Variants in ICA1 observed in about 807,000 individuals in gnomAD.
ICA1 encodes the protein 69 kDa islet cell autoantigen.
Under a neutral mutation model 71.0 loss-of-function variants are expected in ICA1, and 40 were observed. The ratio of observed to expected loss-of-function variants is 0.56; its 90% confidence interval spans 0.44 to 0.73. ICA1 has a LOEUF of 0.73. Ranked by LOEUF, ICA1 falls within the 30% of genes least tolerant of loss-of-function variation. ICA1 has a pLI of 0.00. For missense variants in ICA1, 578 were observed against 576.5 expected (o/e 1.00, Z -0.03); for synonymous variants, 207 against 209.5 (o/e 0.99, Z 0.10).
In ICA1 at chr7:8,229,633, G is replaced by A. The variant is rs944866527; in HGVS notation, c.184-960C>T. On this transcript the variant is annotated intron_variant, in intron 3 of 13. Coordinates refer to ENST00000402384, the MANE Select transcript of ICA1 (RefSeq NM_001136020.3). ...TATCATAAAGCACTTCTACATTTGC[G>A]TGAACACAGATGATCTGTTTCATTA... Among the ~76,000 whole-genome samples the A allele has an allele frequency of 2.1e-4, 32 of 152,290 alleles. No individual in the cohort carries two copies. In the Middle Eastern group the frequency reaches 0.01, roughly 49 times the overall value.
At chr7:8,115,108 T>C (rs1392048548) in intron 13 of ICA1, 1 of 152,264 alleles carries the variant, frequency 6.6e-6, no homozygotes, top group African/African-American at 2.4e-5. Context: ...AGTGTACCGA[T>C]CACTTTATAC....
chr7:8,157,059 T>C, intron 8 of ICA1, 57 bp downstream of exon 8: 3 of 1,613,742 alleles, frequency 1.9e-6, no homozygotes, highest in Non-Finnish European at 2.5e-6. Context: ...TTGCTTGTGA[T>C]ATAAACAAAA....
intron 6 of ICA1, among the ~76,000 whole-genome samples, chr7:8,197,384 C>T (rs1788014516): frequency 6.6e-6 from 1 of 151,352 alleles, no homozygotes; most frequent in African/African-American, 2.4e-5. Context: ...GAAACCCCAT[C>T]TCTACTAAAA....
At chr7:8,243,308 A>G (rs1804691567) in intron 1 of ICA1, among the ~76,000 whole-genome samples, 1 of 152,250 alleles carries the variant, frequency 6.6e-6, no homozygotes, top group Non-Finnish European at 1.5e-5. Context: ...AGAATCATCG[A>G]CAAAAACCAC....
chr7:8,219,009 ATAGG>A (rs968399012), intron 5 of ICA1: 1 of 184,772 alleles, frequency 5.4e-6, no homozygotes, highest in African/African-American at 2.3e-5. Context: ...TTGAAATGGT[ATAGG>A]AAGGGGGACC....
chr7:8,152,669 C>CACTACCCCCACCACA (rs1562701213), intron 8 of ICA1, among the ~76,000 whole-genome samples: 1 of 49,716 alleles, frequency 2.0e-5, no homozygotes, highest in African/African-American at 6.9e-5. Flanking sequence ...CCACCACCAC[C>CACTACCCCCACCACA]ATTATCTCCT....
chr7:8,155,376 G>T (rs999628291), intron 8 of ICA1, among the ~76,000 whole-genome samples: 1 of 152,154 alleles, frequency 6.6e-6, no homozygotes, highest in African/African-American at 2.4e-5. Context: ...AACATAATCA[G>T]CTTGATCCTC....
chr7:8,216,528 C>T (rs80272562), intron 6 of ICA1, among the ~76,000 whole-genome samples: 126 of 148,444 alleles, frequency 8.5e-4, no homozygotes, highest in African/African-American at 3.0e-3. Context: ...AAATGACGAA[C>T]GGGCTTGGTT....
chr7:8,224,876 CAGAATT>C (rs2128438017), intron 4 of ICA1, among the ~76,000 whole-genome samples: 1 of 152,252 alleles, frequency 6.6e-6, no homozygotes, highest in South Asian at 2.1e-4. Flanking sequence ...TCTGATTTCT[CAGAATT>C]AGACTGTGGT....
At position 8,222,837 on chromosome 7, in the gene ICA1, T is replaced by C; in HGVS notation, c.257-1439A>G. Among the ~76,000 whole-genome samples the C allele has an allele frequency of 6.6e-6, 1 of 152,186 alleles. No individual in the cohort carries two copies. Among genetic ancestry groups the C allele is most frequent in the African/African-American group, 2.4e-5 (1 of 41,462 alleles). On this transcript the variant is annotated intron_variant, in intron 4 of 13. Coordinates refer to ENST00000402384, the MANE Select transcript of ICA1 (RefSeq NM_001136020.3). The surrounding 1 kb of genome is among the most constrained non-coding windows in gnomAD (Gnocchi z 4.8). The stretch of plus-strand genomic sequence containing the variant: ...AGCAGTGCTCTCTGGGCACCTGACT[T>C]AGCACTCACCTTGTGTGACTGGGCA...
chr7:8,171,250 T>C (rs562723084), intron 6 of ICA1, among the ~76,000 whole-genome samples: 31 of 152,040 alleles, frequency 2.0e-4, no homozygotes, highest in African/African-American at 7.2e-4. Context: ...TTGGCACATT[T>C]TATGAGTGAA....
At chr7:8,241,761 C>T (rs1803985813) in intron 1 of ICA1, among the ~76,000 whole-genome samples, 1 of 152,128 alleles carries the variant, frequency 6.6e-6, no homozygotes, top group South Asian at 2.1e-4. Flanking sequence ...GCAGGGGTTG[C>T]AATCCTAGTC....
intron 13 of ICA1, among the ~76,000 whole-genome samples, chr7:8,118,512 A>AT (rs1009825287): frequency 9.2e-5 from 14 of 152,052 alleles, no homozygotes; most frequent in African/African-American, 3.4e-4. Flanking sequence ...CAATAAAACG[A>AT]TTTTTTTTAA....
intron 13 of ICA1, 197 bp from the exon 14 acceptor site, chr7:8,114,241 C>G: frequency 1.7e-6 from 1 of 581,386 alleles, no homozygotes; most frequent in Non-Finnish European, 3.0e-6. Flanking sequence ...AAACCAGGGC[C>G]TGAAGCTCCG....
chr7:8,153,735 C>T (rs1800478112), intron 8 of ICA1, among the ~76,000 whole-genome samples: 1 of 151,802 alleles, frequency 6.6e-6, no homozygotes, highest in African/African-American at 2.4e-5. Flanking sequence ...AGTAATATTC[C>T]ATTCCTAGCC....
intron 6 of ICA1, among the ~76,000 whole-genome samples, chr7:8,188,057 C>A (rs932323952): frequency 7.2e-5 from 11 of 152,180 alleles, no homozygotes. Flanking sequence ...CTCACCAAGG[C>A]ACCAGGCTGT....
At chr7:8,155,586 C>T (rs971281483) in intron 8 of ICA1, among the ~76,000 whole-genome samples, 3 of 152,200 alleles carry the variant, frequency 2.0e-5, no homozygotes, top group Non-Finnish European at 4.4e-5. Context: ...CATCTTCTAA[C>T]TGGTTGGTGT....
rs956158438 is a variant in ICA1 at position 8,160,777 on chromosome 7, G to A, written c.580-2125C>T. On this transcript the variant is annotated intron_variant, in intron 6 of 13. Coordinates refer to ENST00000402384, the MANE Select transcript of ICA1 (RefSeq NM_001136020.3). Reference sequence around the variant, plus strand: ...AAACTGACCATACCATGAGCTGGACGGTTCTCCACTGCAGAGCAAAGAGCC... The same window carrying A: ...AAACTGACCATACCATGAGCTGGACAGTTCTCCACTGCAGAGCAAAGAGCC... Among the ~76,000 whole-genome samples, 4 of 152,312 alleles carry A rather than the reference G, an allele frequency of 2.6e-5. No individual in the cohort carries two copies. In the East Asian group the frequency reaches 5.8e-4, roughly 22 times the overall value.
At chr7:8,151,185 C>T (rs1383729956) in intron 8 of ICA1, among the ~76,000 whole-genome samples, 1 of 152,216 alleles carries the variant, frequency 6.6e-6, no homozygotes, top group Non-Finnish European at 1.5e-5. Flanking sequence ...GCCCAGACAA[C>T]CTACCCACAC....
Sources: gnomAD v4.1 joint callset for allele counts (sites outside exome capture counted in the v4.1 genomes callset) on GRCh38, gnomAD v4.1.1 for gene constraint, Gnocchi (gnomAD v3.1) non-coding constraint, MANE v1.5 for transcripts, NCBI Gene and HGNC (gene_info 2026-07-23, HGNC 2026-07-21) for gene names.